THNSL2: variants seen among roughly 807,000 people sequenced by gnomAD.
THNSL2 encodes the protein threonine synthase like 2, also known as threonine synthase-like 2.
A neutral mutation model predicts 40.0 loss-of-function variants in THNSL2; 34 were observed. The ratio of observed to expected loss-of-function variants is 0.85; its 90% CI spans 0.65 to 1.13. The LOEUF (loss-of-function observed/expected upper bound fraction) is 1.13, where lower values mean the gene tolerates loss of function less well. THNSL2 is among the 50% of genes most tolerant of loss of function. The pLI is 0.00. For synonymous variants in THNSL2, 241 were observed against 247.5 expected, an observed-to-expected ratio of 0.97 and a Z score of 0.25; for missense variants, 537 against 608.8, an observed-to-expected ratio of 0.88 and a Z score of 1.24.
At chr2:88,177,991 G>A (rs887787564) in intron 4 of THNSL2, among the ~76,000 whole-genome samples, 2 of 152,200 alleles carry the variant, frequency 1.3e-5, no homozygotes, top group Non-Finnish European at 2.9e-5. Context: ...AGAATGGTTA[G>A]CACCCTTAAT....
At position 88,175,372 on chromosome 2, in the gene THNSL2, T is replaced by C; in HGVS notation, c.542T>C (p.Val181Ala). 1.2e-6 allele frequency: 2 copies of C among 1,614,094 alleles called. No individual in the cohort carries two copies. Among genetic ancestry groups the C allele is most frequent in the Non-Finnish European group, 1.7e-6 (2 of 1,180,014 alleles). Residue 181 changes from valine (V) to alanine (A), a missense_variant, in exon 4 of 9, where the codon GTG becomes GCG. Coordinates refer to ENST00000674334, the MANE Select transcript of THNSL2 (RefSeq NM_018271.5). ...ATTCAGGAGCTCCAGATGACAACGG[T>C]GCTGAAGCAGAACGTACATGTGTTT... Reference protein sequence around the residue: ...TKIQELQMTTVLKQNVHVFGV... With the variant: ...TKIQELQMTTALKQNVHVFGV...
At chr2:88,180,430 G>C (rs1216314407) in intron 5 of THNSL2, among the ~76,000 whole-genome samples, 1 of 152,188 alleles carries the variant, frequency 6.6e-6, no homozygotes, top group Non-Finnish European at 1.5e-5. Context: ...AAATTAGCCA[G>C]GTGTGGTGGC....
chr2:88,180,370 G>C (rs1445377923), intron 5 of THNSL2, among the ~76,000 whole-genome samples: 1 of 152,160 alleles, frequency 6.6e-6, no homozygotes, highest in South Asian at 2.1e-4. Flanking sequence ...TTAGTAGTTC[G>C]AGACCAGCCT....
chr2:88,175,220 G>A (rs1676790528), intron 3 of THNSL2, 29 bp from the exon 4 acceptor site: 2 of 1,608,200 alleles, frequency 1.2e-6, no homozygotes, highest in African/African-American at 1.3e-5. Flanking sequence ...TGTTCTAAAG[G>A]GGGAGAGTTC....
rs1676700317 is a variant in THNSL2, at chr2:88,174,569, C to T, written c.224-70C>T. On this transcript the variant is annotated intron_variant, in intron 2 of 8. Coordinates refer to ENST00000674334, the MANE Select transcript of THNSL2 (RefSeq NM_018271.5). ...TAGCAGGAGTTGGAAACTTTATATT[C>T]AGAGACTGAGAGGGAACTTGAGAAA... 3.3e-6 allele frequency: 5 copies of T among 1,512,708 alleles called. No individual in the cohort carries two copies. The South Asian group carries it at 6.4e-5, about 19-fold the overall frequency. The allele number at this position is 1,512,708 out of a possible 1,614,324, so 93.7% of individuals were successfully genotyped here.
chr2:88,184,644 G>A (rs1678062122), intron 7 of THNSL2, among the ~76,000 whole-genome samples: 1 of 151,860 alleles, frequency 6.6e-6, no homozygotes, highest in Admixed American at 6.6e-5. Flanking sequence ...GCACATGCCT[G>A]TAAATCCTAG....
At chr2:88,179,156 C>A in intron 5 of THNSL2, 143 bp downstream of exon 5, 1 of 840,308 alleles carries the variant, frequency 1.2e-6, no homozygotes. Flanking sequence ...CACAGAAGTT[C>A]CCAGGAGATT....
At chr2:88,184,239 C>G (rs1436201595) in intron 7 of THNSL2, among the ~76,000 whole-genome samples, 3 of 152,136 alleles carry the variant, frequency 2.0e-5, no homozygotes, top group African/African-American at 7.2e-5. Context: ...CATTCTTTCT[C>G]CTCATATAAA....
chr2:88,175,654 A>G, intron 4 of THNSL2: 1 of 433,096 alleles, frequency 2.3e-6, no homozygotes, highest in Non-Finnish European at 4.1e-6. Flanking sequence ...TGAAAACCAT[A>G]CCCCAAAAAA....
At chr2:88,184,187 C>G (rs1211404690) in intron 7 of THNSL2, among the ~76,000 whole-genome samples, 6 of 152,096 alleles carry the variant, frequency 3.9e-5, no homozygotes, top group African/African-American at 1.2e-4. Flanking sequence ...TTGATGCACC[C>G]AAAGATCAAT....
At chr2:88,183,860 G>T (rs530728639) in intron 7 of THNSL2, 1 of 151,512 alleles carries the variant, frequency 6.6e-6, no homozygotes, top group African/African-American at 2.4e-5. Context: ...CATCCAGACT[G>T]TGCATACCTC....
intron 7 of THNSL2, among the ~76,000 whole-genome samples, chr2:88,185,015 G>T (rs1678112281): frequency 6.6e-6 from 1 of 152,196 alleles, no homozygotes; most frequent in African/African-American, 2.4e-5. Flanking sequence ...CAACAACCAA[G>T]CACCAGACGT....
chr2:88,178,850 G>T lies in THNSL2; in HGVS notation c.639G>T (p.Lys213Asn). 1 of 1,614,206 alleles carries T rather than the reference G, an allele frequency of 6.2e-7. No individual in the cohort carries two copies. The highest frequency in any genetic ancestry group is 1.6e-4 in the Middle Eastern group (1 of 6,062). The change falls in exon 5 of 9, where the codon AAG (lysine) becomes AAT (asparagine). Residue 213 changes from lysine to asparagine, a missense_variant. Physicochemically the swap from Lys to Asn is moderately conservative, Grantham distance 94. Transcript: ENST00000674334. ...KTVFADVAFV[K>N]KHNLMSLNSI... Reference sequence around the variant, plus strand: ...TGTTTGCCGATGTGGCTTTTGTCAAGAAGCACAATCTGATGAGCCTGAATT... The same window carrying T: ...TGTTTGCCGATGTGGCTTTTGTCAATAAGCACAATCTGATGAGCCTGAATT...
In THNSL2 at chr2:88,185,653, G is replaced by C. The variant is rs1339087373; in HGVS notation, c.1229+174G>C. 4.5e-6 allele frequency: 7 copies of C among 1,551,528 alleles called. No homozygotes were observed. The East Asian group carries it at 1.7e-4, about 38-fold the overall frequency. On this transcript the variant is annotated intron_variant, in intron 8 of 8. Coordinates refer to ENST00000674334, the MANE Select transcript of THNSL2 (RefSeq NM_018271.5). ...TGGGCCCAGAAGAGGGAGCGTGACAGATATCCCAGGGACAGCCATGGTCAG... is the reference window on the plus strand; with the variant it reads ...TGGGCCCAGAAGAGGGAGCGTGACACATATCCCAGGGACAGCCATGGTCAG...
In THNSL2 at chr2:88,179,442, C is replaced by T. The variant is rs565182688; in HGVS notation, c.802+429C>T. 4.1e-4 allele frequency among the ~76,000 whole-genome samples: 63 copies of T among 152,344 alleles called. 1 individual carries two copies. In the South Asian group the frequency reaches 0.01, roughly 25 times the overall value. On this transcript the variant is annotated intron_variant, in intron 5 of 8. Coordinates refer to ENST00000674334, the MANE Select transcript of THNSL2 (RefSeq NM_018271.5). ...CATTCCTGGACACACCACCCTGACC[C>T]CGTGTGAGGTGGAAAGAGTTCTGGA...
At chr2:88,183,161 G>A in intron 7 of THNSL2, 88 bp downstream of exon 7, 1 of 1,535,960 alleles carries the variant, frequency 6.5e-7, no homozygotes, top group East Asian at 2.3e-5. Flanking sequence ...AAGGGAAGAG[G>A]ACACCTGTTT....
At chr2:88,185,563 G>A (rs1273028599) in intron 8 of THNSL2, 84 bp downstream of exon 8, 13 of 1,552,118 alleles carry the variant, frequency 8.4e-6, no homozygotes, top group Admixed American at 7.8e-5. Context: ...GGAGAGACAG[G>A]ACTACGAAAA....
chr2:88,186,098 G>C lies in THNSL2; in HGVS notation c.1430G>C (p.Ser477Thr), dbSNP rs1678268676. ...GAGGACCTTAGCCGACAGTGGAGGA[G>C]TCATGCCCTCAACACCTCCCAGTAG... ...TIEDLSRQWR[S>T]HALNTSQ The change falls in exon 9 of 9, where the codon AGT becomes ACT. Residue 477 changes from serine (S) to threonine (T), a missense_variant. Transcript: ENST00000674334. 6.4e-7 allele frequency: 1 copy of C among 1,559,356 alleles called. No homozygotes were observed. The highest frequency in any genetic ancestry group is 1.4e-5 in the African/African-American group (1 of 73,752).
chr2:88,183,215 C>T (rs1231663883), intron 7 of THNSL2, 142 bp downstream of exon 7: 1 of 1,127,310 alleles, frequency 8.9e-7, no homozygotes, highest in East Asian at 2.6e-5. Context: ...GGCCACTTTA[C>T]ATGGAATAAT....
Sources: allele counts gnomAD v4.1 joint callset (sites outside exome capture counted in the v4.1 genomes callset), GRCh38; gene constraint gnomAD v4.1.1; transcripts MANE v1.5; gene names NCBI Gene and HGNC (gene_info 2026-07-23, HGNC 2026-07-21).